The following KIAA2013 variants were observed in gnomAD, a reference collection of about 807,000 sequenced individuals.
KIAA2013 encodes uncharacterized protein KIAA2013.
KIAA2013 carries 20 observed loss-of-function variants against 39.9 expected under a neutral mutation model. The ratio of observed to expected loss-of-function variants is 0.50; its 90% CI spans 0.35 to 0.73. The LOEUF is 0.73. Ranked by LOEUF, KIAA2013 falls within the 30% of genes least tolerant of loss-of-function variation. KIAA2013 has a pLI of 0.01. For synonymous variants in KIAA2013, 336 were observed against 416.6 expected, an observed-to-expected ratio of 0.81 and a Z score of 2.35; for missense variants, 587 against 856.1, an observed-to-expected ratio of 0.69 and a Z score of 3.92.
Position 11,925,101 on chromosome 1 carries a change from A to G in KIAA2013, c.1033+104T>C. The G allele has an allele frequency of 9.0e-7, 1 of 1,110,728 alleles. No individual in the cohort carries two copies. Among genetic ancestry groups the G allele is most frequent in the Non-Finnish European group, 1.3e-6 (1 of 788,504 alleles). 68.8% of individuals were successfully genotyped at this position (1,110,728 alleles called of 1,614,324 possible). ...TTGAGCAGATTCAACCACTGGTGAA[A>G]CGCCAAGCCCAAGTTTCAACCACCC... On this transcript the variant is annotated intron_variant, in intron 1 of 2. Coordinates refer to ENST00000376572, the MANE Select transcript of KIAA2013 (RefSeq NM_138346.3). The surrounding 1 kb of genome is among the most constrained non-coding windows in gnomAD (Gnocchi z 5.2).
At chr1:11,920,731 G>C (rs750675087) in intron 2 of KIAA2013, among the ~76,000 whole-genome samples, 1 of 152,230 alleles carries the variant, frequency 6.6e-6, no homozygotes, top group East Asian at 1.9e-4. Context: ...AGCTAGTTCA[G>C]AGGCGGCTCA....
intron 1 of KIAA2013, among the ~76,000 whole-genome samples, chr1:11,924,409 A>C (rs1430030489): frequency 6.6e-6 from 1 of 151,902 alleles, no homozygotes; most frequent in Non-Finnish European, 1.5e-5. Flanking sequence ...TAGCCTAAAA[A>C]GATGCCTTAT....
At chr1:11,920,957 GACT>G (rs545282540) in intron 2 of KIAA2013, among the ~76,000 whole-genome samples, 684 of 152,234 alleles carry the variant, frequency 4.5e-3, no homozygotes, top group Non-Finnish European at 6.1e-3. Context: ...TGGGCTCTCT[GACT>G]ACTTGGGGGC....
At position 11,922,993 on chromosome 1, in the gene KIAA2013, G is replaced by A. The variant is rs142241409; in HGVS notation, c.1530C>T (p.Ser510=). Residue 510 remains serine, a synonymous_variant, in exon 2 of 3, where the codon TCC becomes TCT. Coordinates refer to ENST00000376572, the MANE Select transcript of KIAA2013 (RefSeq NM_138346.3). ...TGACAGGCTGGCCACGGGACTCCAC[G>A]GACACGTGTAGGTAGGGCTTGCCCT... The part of the protein sequence containing the change: ...DAEGKPYLHV[S]VESRGQPVKI... The A allele has an allele frequency of 3.5e-4, 572 of 1,613,044 alleles. 3 individuals are homozygous for A. Among genetic ancestry groups the A allele is most frequent in the Non-Finnish European group, 7.4e-5 (87 of 1,179,160 alleles).
Position 11,924,554 on chromosome 1 carries a change from T to C in KIAA2013, c.1033+651A>G, listed in dbSNP as rs570158074. Among the ~76,000 whole-genome samples the C allele has an allele frequency of 2.0e-4, 31 of 152,274 alleles. No individual in the cohort carries two copies. The East Asian group carries it at 5.8e-3, about 28-fold the overall frequency. On this transcript the variant is annotated intron_variant, in intron 1 of 2. Coordinates refer to ENST00000376572, the MANE Select transcript of KIAA2013 (RefSeq NM_138346.3). ...GAACAGCCCTGGCAGAAGCATTCAATAGATACTTGCTGAATGAACTCAACT... is the reference window on the plus strand; with the variant it reads ...GAACAGCCCTGGCAGAAGCATTCAACAGATACTTGCTGAATGAACTCAACT...
intron 2 of KIAA2013, 128 bp from the exon 3 acceptor site, chr1:11,920,460 C>T: frequency 1.1e-6 from 1 of 946,972 alleles, no homozygotes; most frequent in South Asian, 1.3e-5. Flanking sequence ...TGCAGAATTA[C>T]CACGGACTCA....
In KIAA2013 at chr1:11,920,187, G is replaced by A. The variant is rs1403185678; in HGVS notation, c.*128C>T. On this transcript the variant is annotated 3_prime_UTR_variant, in exon 3 of 3. Transcript: ENST00000376572. ...CTGGTGTATCCACACTCACTTCTGC[G>A]TCACCGGTTTCCCCCAACAAGGCAC... 9 of 981,000 alleles carry A rather than the reference G, an allele frequency of 9.2e-6. No individual in the cohort carries two copies. The highest frequency in any genetic ancestry group is 4.8e-5 in the East Asian group (2 of 42,104). The allele number at this position is 981,000 out of a possible 1,614,324, so 60.8% of individuals were successfully genotyped here. A position where few individuals can be genotyped will look rare whatever the true frequency, so the allele number is the denominator to read the frequency against.
At position 11,925,236 on chromosome 1, in the gene KIAA2013, G is replaced by A; in HGVS notation, c.1002C>T (p.His334=). 1.2e-6 allele frequency: 2 copies of A among 1,600,458 alleles called. No individual in the cohort carries two copies. Among genetic ancestry groups the A allele is most frequent in the South Asian group, 2.2e-5 (2 of 89,204 alleles). The part of the protein sequence containing the change: ...DMPAAELLQD[H]QLLWAQLFSP... ...TGAAGAGCTGAGCCCAGAGGAGCTG[G>A]TGGTCTTGAAGCAGCTCCGCCGCTG... The change falls in exon 1 of 3, where the codon CAC becomes CAT. Residue 334 remains histidine, a synonymous_variant. Coordinates refer to ENST00000376572, the MANE Select transcript of KIAA2013 (RefSeq NM_138346.3). The surrounding 1 kb of genome is among the most constrained non-coding windows in gnomAD (Gnocchi z 5.2).
In KIAA2013 at chr1:11,922,614, C is replaced by T. The variant is rs200354718; in HGVS notation, c.1887+22G>A. 1.8e-5 allele frequency: 29 copies of T among 1,611,034 alleles called. No homozygotes were observed. In the Middle Eastern group the frequency reaches 5.0e-4, roughly 28 times the overall value. On this transcript the variant is annotated intron_variant, in intron 2 of 2. Transcript: ENST00000376572. ...AGAGCAAGGCCAAGGCCTCGGGTTT[C>T]GACCAGATGGCGGCTTCCTACCTTA...
chr1:11,923,609 G>A lies in KIAA2013; in HGVS notation c.1034-120C>T, dbSNP rs1316247285. The A allele has an allele frequency of 1.3e-5, 13 of 1,036,376 alleles. No homozygotes were observed. The highest frequency in any genetic ancestry group is 1.7e-5 in the Non-Finnish European group (12 of 700,916). The allele number at this position is 1,036,376 out of a possible 1,614,324, so 64.2% of individuals were successfully genotyped here. A position where few individuals can be genotyped will look rare whatever the true frequency, so the allele number is the denominator to read the frequency against. ...TTGTGCCTTAATGATAAAGACAGTG[G>A]TGCCCATCTCCCTAAAGTATAGAAG... On this transcript the variant is annotated intron_variant, in intron 1 of 2. Coordinates refer to ENST00000376572, the MANE Select transcript of KIAA2013 (RefSeq NM_138346.3). This position sits in a 1 kb window ranked among gnomAD's most constrained non-coding sequence, Gnocchi z 4.6.
intron 2 of KIAA2013, among the ~76,000 whole-genome samples, chr1:11,921,165 C>G (rs547269692): frequency 3.3e-5 from 5 of 152,274 alleles, no homozygotes; most frequent in African/African-American, 1.2e-4. Context: ...ACAAAGGCCT[C>G]CCCCTGGAAT....
At position 11,926,053 on chromosome 1, in the gene KIAA2013, G is replaced by A. The variant is rs1351195396; in HGVS notation, c.185C>T (p.Pro62Leu). The stretch of plus-strand genomic sequence containing the variant: ...GGTGGCCGCCTCCAGGCAGGCAGAC[G>A]GCTCGGCGGCGCCCGGCTCACCGCG... The part of the protein sequence containing the change: ...WSRGEPGAAE[P>L]SACLEAATRA... Residue 62 changes from proline to leucine, a missense_variant, in exon 1 of 3, where the codon CCG (proline) becomes CTG (leucine). Pro to Leu is a moderately conservative substitution (Grantham distance 98, BLOSUM62 -3). Coordinates refer to ENST00000376572, the MANE Select transcript of KIAA2013 (RefSeq NM_138346.3). 6 of 1,468,542 alleles carry A rather than the reference G, an allele frequency of 4.1e-6. No homozygotes were observed. The highest frequency in any genetic ancestry group is 5.4e-6 in the Non-Finnish European group (6 of 1,119,194). The allele number at this position is 1,468,542 out of a possible 1,614,324, so 91.0% of individuals were successfully genotyped here.
chr1:11,924,411 A>T (rs1445194324), intron 1 of KIAA2013, among the ~76,000 whole-genome samples: 1 of 151,744 alleles, frequency 6.6e-6, no homozygotes, highest in Admixed American at 6.6e-5. Flanking sequence ...GCCTAAAAAG[A>T]TGCCTTATTT....
At chr1:11,924,994 T>C (rs1000569031) in intron 1 of KIAA2013, among the ~76,000 whole-genome samples, 4 of 152,166 alleles carry the variant, frequency 2.6e-5, no homozygotes, top group Non-Finnish European at 2.9e-5. Context: ...ATAAAAACCT[T>C]CTGAGGTAGG....
At chr1:11,922,330 C>T (rs1403507529) in intron 2 of KIAA2013, 4 of 1,412,946 alleles carry the variant, frequency 2.8e-6, no homozygotes, top group East Asian at 5.1e-5. Flanking sequence ...GCTGGGACTA[C>T]AGGCACAAGC....
intron 2 of KIAA2013, among the ~76,000 whole-genome samples, chr1:11,921,598 G>A (rs1485902146): frequency 6.6e-6 from 1 of 151,776 alleles, no homozygotes; most frequent in Admixed American, 6.6e-5. Context: ...CACCCAGGCT[G>A]GAGTGCACTG....
Position 11,925,740 on chromosome 1 carries a change from G to A in KIAA2013, c.498C>T (p.Ala166=). Residue 166 remains alanine (A), a synonymous_variant, in exon 1 of 3, where the codon GCC becomes GCT. Transcript: ENST00000376572. The surrounding 1 kb of genome is among the most constrained non-coding windows in gnomAD (Gnocchi z 5.2). ...QLGSPGPGPV[A]AGPGPASVSG... ...AGACGGAGGCGGGCCCGGGGCCGGC[G>A]GCCACGGGGCCAGGACCTGGGGACC... is the stretch of plus-strand genomic sequence containing the variant. 16 of 1,540,298 alleles carry A rather than the reference G, an allele frequency of 1.0e-5. No homozygotes were observed. The highest frequency in any genetic ancestry group is 1.3e-5 in the Non-Finnish European group (15 of 1,152,392).
intron 2 of KIAA2013, chr1:11,922,331 A>G (rs1645479366): frequency 1.4e-6 from 2 of 1,413,014 alleles, no homozygotes; most frequent in African/African-American, 2.9e-5. Flanking sequence ...CTGGGACTAC[A>G]GGCACAAGCC....
At position 11,919,670 on chromosome 1, in the gene KIAA2013, G is replaced by C. The variant is rs577418096; in HGVS notation, c.*645C>G. The C allele has an allele frequency of 2.0e-5, 3 of 152,350 alleles. No homozygotes were observed. The East Asian group carries it at 5.8e-4, about 29-fold the overall frequency. 9.4% of individuals were successfully genotyped at this position (152,350 alleles called of 1,614,324 possible). A position where few individuals can be genotyped will look rare whatever the true frequency, so the allele number is the denominator to read the frequency against. ...AAAACCTGACAATCATCAATCACTA[G>C]AAAGTTAAACACCTCCCCTGAAGCC... is the stretch of plus-strand genomic sequence containing the variant. On this transcript the variant is annotated 3_prime_UTR_variant, in exon 3 of 3. Coordinates refer to ENST00000376572, the MANE Select transcript of KIAA2013 (RefSeq NM_138346.3).
Sources: allele counts gnomAD v4.1 joint callset (sites outside exome capture counted in the v4.1 genomes callset), GRCh38; gene constraint gnomAD v4.1.1; non-coding constraint Gnocchi (gnomAD v3.1); transcripts MANE v1.5; gene names NCBI Gene and HGNC (gene_info 2026-07-23, HGNC 2026-07-21).